Variants in COL13A1 observed in about 807,000 individuals in gnomAD.
COL13A1 encodes collagen type XIII alpha 1 chain.
COL13A1 carries 89 observed loss-of-function variants against 130.9 expected under a neutral mutation model. That is an observed-to-expected ratio of 0.68 (90% CI 0.57 to 0.81). The LOEUF is 0.81. Among genes scored for constraint, COL13A1 ranks in the 30% least tolerant of loss-of-function variants. The pLI, the probability that COL13A1 is intolerant of heterozygous loss-of-function variation, is 0.00. For synonymous variants in COL13A1, 402 were observed against 341.6 expected, an observed-to-expected ratio of 1.18 and a Z score of -1.95; for missense variants, 879 against 934.6, an observed-to-expected ratio of 0.94 and a Z score of 0.78.
intron 30 of COL13A1, 147 bp from the exon 31 acceptor site, chr10:69,932,413 G>A (rs919535130): frequency 1.6e-6 from 1 of 615,180 alleles, no homozygotes; most frequent in South Asian, 1.8e-5. Context: ...CTGTCCTGCA[G>A]GCTGACACCT....
intron 34 of COL13A1, among the ~76,000 whole-genome samples, chr10:69,940,554 C>T (rs1399127815): frequency 6.6e-6 from 1 of 152,172 alleles, no homozygotes; most frequent in Non-Finnish European, 1.5e-5. Context: ...CTGGGAGAGC[C>T]GTCCTCACCT....
chr10:69,875,665 G>A (rs766783473), intron 5 of COL13A1, among the ~76,000 whole-genome samples: 8 of 152,246 alleles, frequency 5.3e-5, no homozygotes, highest in African/African-American at 1.2e-4. Flanking sequence ...TCACGAGGAG[G>A]CTGAGAGTTA....
intron 2 of COL13A1, chr10:69,824,108 A>G (rs1417659552): frequency 2.1e-6 from 1 of 472,214 alleles, no homozygotes; most frequent in Non-Finnish European, 4.4e-6. Context: ...TATGACCTTC[A>G]GAGAGTTATT....
chr10:69,826,690 T>C (rs1473474437), intron 2 of COL13A1, among the ~76,000 whole-genome samples: 1 of 152,008 alleles, frequency 6.6e-6, no homozygotes, highest in Non-Finnish European at 1.5e-5. Context: ...CATCATAGAC[T>C]CCATATGGTG....
chr10:69,958,793 G>A lies in COL13A1; in HGVS notation c.*92G>A, dbSNP rs1222039472. 1.0e-5 allele frequency: 16 copies of A among 1,531,236 alleles called. No homozygotes were observed. The Admixed American group carries it at 2.8e-4, about 27-fold the overall frequency. 94.9% of individuals were successfully genotyped at this position (1,531,236 alleles called of 1,614,324 possible). A position where few individuals can be genotyped will look rare whatever the true frequency, so the allele number is the denominator to read the frequency against. On this transcript the variant is annotated 3_prime_UTR_variant, in exon 41 of 41. Coordinates refer to ENST00000645393, the MANE Select transcript of COL13A1 (RefSeq NM_001368882.1). ...CACTTTTTGAAAATGCCAGAAGTATGATGCATCTTACAGATTATTAAAAAA... is the reference window on the plus strand; with the variant it reads ...CACTTTTTGAAAATGCCAGAAGTATAATGCATCTTACAGATTATTAAAAAA...
intron 2 of COL13A1, among the ~76,000 whole-genome samples, chr10:69,823,271 T>C (rs1846584678): frequency 1.3e-5 from 2 of 152,230 alleles, no homozygotes; most frequent in African/African-American, 4.8e-5. Flanking sequence ...GCCTGTTACT[T>C]TTCTAGGTGC....
At chr10:69,867,756 C>G in intron 2 of COL13A1, 42 bp from the exon 3 acceptor site, 1 of 718,128 alleles carries the variant, frequency 1.4e-6, no homozygotes, top group Non-Finnish European at 2.6e-6. Flanking sequence ...CCGCCCCCTA[C>G]AGCAATGACA....
At chr10:69,878,724 C>T (rs541350197) in intron 6 of COL13A1, among the ~76,000 whole-genome samples, 5 of 152,294 alleles carry the variant, frequency 3.3e-5, no homozygotes, top group East Asian at 3.9e-4. Context: ...TCAGGTGATC[C>T]GCCCACTTGT....
chr10:69,939,605 T>A (rs866274560), intron 34 of COL13A1, among the ~76,000 whole-genome samples: 4 of 152,226 alleles, frequency 2.6e-5, no homozygotes. Context: ...TCCTGGAGTG[T>A]TCCCCCATTT....
intron 16 of COL13A1, among the ~76,000 whole-genome samples, chr10:69,905,284 A>G (rs568594513): frequency 2.6e-5 from 4 of 152,268 alleles, no homozygotes; most frequent in African/African-American, 9.6e-5. Context: ...CCAATAAAAT[A>G]GTGTTTTATA....
At chr10:69,904,419 C>A (rs904133002) in intron 15 of COL13A1, among the ~76,000 whole-genome samples, 1 of 152,218 alleles carries the variant, frequency 6.6e-6, no homozygotes, top group African/African-American at 2.4e-5. Flanking sequence ...CCCAAGGCTG[C>A]GGTGGAGCCA....
At chr10:69,920,918 A>G (rs2064576624) in intron 21 of COL13A1, among the ~76,000 whole-genome samples, 1 of 152,170 alleles carries the variant, frequency 6.6e-6, no homozygotes, top group Non-Finnish European at 1.5e-5. Context: ...AAATCTGTGA[A>G]ATGAGAATGG....
chr10:69,943,647 CGGTGGGCCGGTGG>C (rs1466792487), intron 35 of COL13A1, among the ~76,000 whole-genome samples: 1 of 152,174 alleles, frequency 6.6e-6, no homozygotes, highest in Admixed American at 6.5e-5. Context: ...TGTGGGTCTG[CGGTGGGCCGGTGG>C]GGTGGGTGTT....
chr10:69,945,029 T>C (rs1353565196), intron 36 of COL13A1, among the ~76,000 whole-genome samples: 1 of 151,994 alleles, frequency 6.6e-6, no homozygotes, highest in Non-Finnish European at 1.5e-5. Context: ...TGTCCGAGGG[T>C]GAGGGTGGAG....
intron 25 of COL13A1, among the ~76,000 whole-genome samples, 168 bp from the exon 26 acceptor site, chr10:69,925,636 C>T (rs1470540373): frequency 6.6e-6 from 1 of 152,228 alleles, no homozygotes; most frequent in Admixed American, 6.5e-5. Context: ...TCTGCAATCC[C>T]CGAGCATCCT....
intron 2 of COL13A1, among the ~76,000 whole-genome samples, chr10:69,833,508 G>T (rs576848337): frequency 6.6e-6 from 1 of 152,308 alleles, no homozygotes; most frequent in South Asian, 2.1e-4. Context: ...ATCAGGCAAA[G>T]TTCCTTGGTT....
intron 26 of COL13A1, among the ~76,000 whole-genome samples, chr10:69,926,774 C>T (rs1589570734): frequency 6.6e-6 from 1 of 152,314 alleles, no homozygotes; most frequent in African/African-American, 2.4e-5. Flanking sequence ...GGTGGTGCTT[C>T]CTTCCCTTCA....
At chr10:69,817,324 C>A (rs1041777070) in intron 1 of COL13A1, among the ~76,000 whole-genome samples, 3 of 151,582 alleles carry the variant, frequency 2.0e-5, no homozygotes, top group South Asian at 2.1e-4. Flanking sequence ...TGCTGGCAGG[C>A]GCAGATGCAG....
At chr10:69,890,979 T>C (rs2061115026) in intron 10 of COL13A1, among the ~76,000 whole-genome samples, 1 of 152,220 alleles carries the variant, frequency 6.6e-6, no homozygotes, top group African/African-American at 2.4e-5. Context: ...AAGGTTTTAT[T>C]ACCTTCCTCC....
Sources: allele counts gnomAD v4.1 joint callset (sites outside exome capture counted in the v4.1 genomes callset), GRCh38; gene constraint gnomAD v4.1.1; transcripts MANE v1.5; gene names NCBI Gene and HGNC (gene_info 2026-07-23, HGNC 2026-07-21).